The following GABRB2 variants were observed in gnomAD, a reference collection of about 807,000 sequenced individuals.
The protein encoded by GABRB2 is gamma-aminobutyric acid type A receptor subunit beta2.
In GABRB2, 16 loss-of-function variants were observed where a neutral mutation model predicts 54.7. That is an observed-to-expected ratio of 0.29 (90% CI 0.20 to 0.44). The LOEUF (loss-of-function observed/expected upper bound fraction) is 0.44. Among genes scored for constraint, GABRB2 ranks in the 20% least tolerant of loss-of-function variants. The probability of loss-of-function intolerance (pLI) is 1.00; values close to 1 mark genes in which losing one functional copy is unlikely to be tolerated. For missense variants in GABRB2, 355 were observed against 644.0 expected (o/e 0.55, Z 4.86); for synonymous variants, 244 against 233.8 (o/e 1.04, Z -0.40).
At chr5:161,301,714 C>A (rs112102553) in intron 9 of GABRB2, among the ~76,000 whole-genome samples, 1 of 152,184 alleles carries the variant, frequency 6.6e-6, no homozygotes, top group Non-Finnish European at 1.5e-5. Context: ...ATGCTGCAGG[C>A]CTTGCTTCAG....
chr5:161,479,395 G>A (rs548156820), intron 3 of GABRB2, among the ~76,000 whole-genome samples: 1 of 151,758 alleles, frequency 6.6e-6, no homozygotes, highest in Admixed American at 6.6e-5. Flanking sequence ...TTCTTACATT[G>A]TGCAACCTAA....
At chr5:161,459,886 G>C (rs1758067558) in intron 3 of GABRB2, 42 bp from the exon 4 acceptor site, 1 of 1,172,850 alleles carries the variant, frequency 8.5e-7, no homozygotes, top group African/African-American at 1.5e-5. Flanking sequence ...TTTACACCCA[G>C]ACAGATCTGG....
At chr5:161,545,425 T>G in intron 2 of GABRB2, 131 bp from the exon 3 acceptor site, 1 of 388,958 alleles carries the variant, frequency 2.6e-6, no homozygotes. Context: ...TTCAATTCTC[T>G]GCTTTTTTTG....
intron 5 of GABRB2, among the ~76,000 whole-genome samples, chr5:161,384,551 G>A (rs1000542069): frequency 9.9e-5 from 15 of 152,264 alleles, no homozygotes; most frequent in African/African-American, 3.4e-4. Flanking sequence ...CTTACTAATA[G>A]CTCCAGCTAT....
rs202174655 is a variant in GABRB2 at position 161,407,416 on chromosome 5, A to AT, written c.541+3558dup. 2.4e-3 allele frequency among the ~76,000 whole-genome samples: 360 copies of AT among 151,580 alleles called. 2 individuals carry two copies. The highest frequency in any genetic ancestry group is 7.9e-3 in the African/African-American group (325 of 41,368). On this transcript the variant is annotated intron_variant, in intron 5 of 9. Transcript: ENST00000393959. ...CCTCCTGACAATGTGATTAAAACTT[A>AT]TTTTTTTTTAAAGAGAGAAATCTTT...
intron 1 of GABRB2, 72 bp downstream of exon 1, chr5:161,546,495 C>G (rs1280799819): frequency 1.3e-6 from 2 of 1,566,508 alleles, no homozygotes; most frequent in African/African-American, 2.7e-5. Context: ...ACTACATTTC[C>G]CTGCTCACAG....
At chr5:161,331,197 G>T in intron 7 of GABRB2, 70 bp from the exon 8 acceptor site, 1 of 1,474,596 alleles carries the variant, frequency 6.8e-7, no homozygotes. Context: ...TAGCTGGAAA[G>T]GTGATCTATA....
At chr5:161,449,563 G>C (rs918823120) in intron 4 of GABRB2, among the ~76,000 whole-genome samples, 11 of 152,110 alleles carry the variant, frequency 7.2e-5, no homozygotes, top group African/African-American at 2.7e-4. Flanking sequence ...AATGTAATTA[G>C]AGAAAACTTA....
intron 5 of GABRB2, among the ~76,000 whole-genome samples, chr5:161,406,834 G>A (rs746009138): frequency 6.6e-6 from 1 of 152,026 alleles, no homozygotes; most frequent in Non-Finnish European, 1.5e-5. Context: ...GTCTGTCTCA[G>A]TAAACACTTT....
intron 5 of GABRB2, among the ~76,000 whole-genome samples, chr5:161,376,695 C>A (rs1755314009): frequency 6.6e-6 from 1 of 151,926 alleles, no homozygotes; most frequent in Non-Finnish European, 1.5e-5. Context: ...AATCCCAGCC[C>A]AACATTAACC....
intron 5 of GABRB2, among the ~76,000 whole-genome samples, chr5:161,369,239 C>T (rs1409803935): frequency 2.6e-5 from 4 of 152,150 alleles, no homozygotes; most frequent in Non-Finnish European, 5.9e-5. Flanking sequence ...AAATAGATTT[C>T]CTGCAGGGAA....
intron 4 of GABRB2, among the ~76,000 whole-genome samples, chr5:161,429,672 A>G (rs1212621763): frequency 6.6e-6 from 1 of 152,184 alleles, no homozygotes; most frequent in African/African-American, 2.4e-5. Flanking sequence ...ACTAGTTTGT[A>G]TTTTATCCAT....
intron 9 of GABRB2, among the ~76,000 whole-genome samples, chr5:161,309,347 T>A (rs921617269): frequency 6.6e-6 from 1 of 152,054 alleles, no homozygotes; most frequent in Admixed American, 6.5e-5. Flanking sequence ...TATTAAAAAG[T>A]CAAAAAACAA....
At chr5:161,352,780 A>C (rs966353084) in intron 5 of GABRB2, among the ~76,000 whole-genome samples, 2 of 152,090 alleles carry the variant, frequency 1.3e-5, no homozygotes, top group Non-Finnish European at 2.9e-5. Flanking sequence ...CTATGTGTAC[A>C]TATTTCAAAA....
intron 4 of GABRB2, among the ~76,000 whole-genome samples, chr5:161,449,471 A>G (rs185317138): frequency 3.3e-5 from 5 of 152,264 alleles, no homozygotes; most frequent in African/African-American, 9.6e-5. Context: ...TATGTTTCCC[A>G]TTTGCCAAGT....
chr5:161,383,589 A>G (rs1755535738), intron 5 of GABRB2, among the ~76,000 whole-genome samples: 1 of 152,178 alleles, frequency 6.6e-6, no homozygotes, highest in Non-Finnish European at 1.5e-5. Flanking sequence ...TGACTGCACT[A>G]GCCATATCTC....
At chr5:161,446,411 G>C (rs751825226) in intron 4 of GABRB2, among the ~76,000 whole-genome samples, 2 of 152,034 alleles carry the variant, frequency 1.3e-5, no homozygotes, top group Non-Finnish European at 2.9e-5. Flanking sequence ...CTAATATTTA[G>C]GTAATCAAAG....
At chr5:161,534,644 T>A (rs1760573823) in intron 3 of GABRB2, among the ~76,000 whole-genome samples, 1 of 152,214 alleles carries the variant, frequency 6.6e-6, no homozygotes, top group African/African-American at 2.4e-5. Flanking sequence ...AAGGATGTGC[T>A]GTAAGAATTA....
In GABRB2 at chr5:161,291,615, C is replaced by T. The variant is rs1326466215; in HGVS notation, c.*2466G>A. ...GTATCACTGAGAGCAGAAATGAATT[C>T]CTGGTTTTATGCTTTTGAGGCTCAA... is the stretch of plus-strand genomic sequence containing the variant. On this transcript the variant is annotated 3_prime_UTR_variant, in exon 10 of 10. Transcript: ENST00000393959. 1 of 152,512 alleles carries T rather than the reference C, an allele frequency of 6.6e-6. No individual in the cohort carries two copies. The highest frequency in any genetic ancestry group is 1.5e-5 in the Non-Finnish European group (1 of 68,014). 9.4% of individuals were successfully genotyped at this position (152,512 alleles called of 1,614,324 possible).
Sources: allele counts gnomAD v4.1 joint callset (sites outside exome capture counted in the v4.1 genomes callset), GRCh38; gene constraint gnomAD v4.1.1; transcripts MANE v1.5; gene names NCBI Gene and HGNC (gene_info 2026-07-23, HGNC 2026-07-21).